CAMKK2: variants seen among roughly 807,000 people sequenced by gnomAD.
The protein encoded by CAMKK2 is calcium/calmodulin dependent protein kinase kinase 2.
A neutral mutation model predicts 67.2 loss-of-function variants in CAMKK2; 30 were observed. The observed-to-expected ratio is 0.45, with a 90% CI of 0.33 to 0.61. CAMKK2 has a LOEUF of 0.61. Ranked by LOEUF, CAMKK2 falls within the 20% of genes least tolerant of loss-of-function variation. The pLI, the probability that CAMKK2 is intolerant of heterozygous loss-of-function variation, is 0.02. For synonymous variants in CAMKK2, 322 were observed against 326.2 expected (o/e 0.99, Z 0.14); for missense variants, 643 against 802.0 (o/e 0.80, Z 2.39).
Position 121,249,788 on chromosome 12 carries a change from T to C in CAMKK2, c.1322A>G (p.Lys441Arg), listed in dbSNP as rs929612914. 3.7e-6 allele frequency: 6 copies of C among 1,613,840 alleles called. No individual in the cohort carries two copies. The Admixed American group carries it at 6.7e-5, about 18-fold the overall frequency. Residue 441 changes from lysine (K) to arginine (R), a missense_variant and splice_region_variant, in exon 13 of 17, where the codon AAG (lysine) becomes AGG (arginine). Physicochemically the swap from Lys to Arg is conservative, Grantham distance 26. Coordinates refer to ENST00000404169, the MANE Select transcript of CAMKK2 (RefSeq NM_001270485.2). ...PESRIVVPEI[K>R]LHPWVTRHGA... ...GGGCACAGGCTGAGCCAAGGGTACC[T>C]TGATTTCCGGCACCACGATCCTCGA...
intron 1 of CAMKK2, among the ~76,000 whole-genome samples, chr12:121,289,705 C>T (rs560687191): frequency 6.6e-6 from 1 of 152,014 alleles, no homozygotes; most frequent in Non-Finnish European, 1.5e-5. Context: ...CCAGCCTGGC[C>T]TACATGGTGA....
chr12:121,240,524 C>CTT lies in CAMKK2; in HGVS notation c.*173_*174dup, dbSNP rs63023660. On this transcript the variant is annotated 3_prime_UTR_variant, in exon 17 of 17. Transcript: ENST00000404169. This position sits in a 1 kb window ranked among gnomAD's most constrained non-coding sequence, Gnocchi z 4.4. ...ACGGTCGACGTCATGGAGTCAAGTCCTTTTTTTTTTTTTGTCCCCTTTAAA... is the reference window on the plus strand; with the variant it reads ...ACGGTCGACGTCATGGAGTCAAGTCCTTTTTTTTTTTTTTTGTCCCCTTTAAA... The CTT allele has an allele frequency of 0.026, 36,631 of 1,416,592 alleles. 62 individuals are homozygous for CTT. Among genetic ancestry groups the CTT allele is most frequent in the East Asian group, 0.046 (1,738 of 37,818 alleles). 87.8% of individuals were successfully genotyped at this position (1,416,592 alleles called of 1,614,324 possible).
intron 7 of CAMKK2, among the ~76,000 whole-genome samples, chr12:121,257,389 G>C: frequency 6.6e-6 from 1 of 152,034 alleles, no homozygotes; most frequent in Non-Finnish European, 1.5e-5. Context: ...TGGGACTACA[G>C]GCACCTGCCA....
intron 16 of CAMKK2, 86 bp downstream of exon 16, chr12:121,244,487 G>T: frequency 1.6e-6 from 2 of 1,282,676 alleles, no homozygotes; most frequent in South Asian, 1.3e-5. Flanking sequence ...CATCTGCCCG[G>T]GTGGGGATGC....
chr12:121,247,640 G>A (rs778490310), intron 14 of CAMKK2, among the ~76,000 whole-genome samples: 5 of 152,206 alleles, frequency 3.3e-5, no homozygotes, highest in Non-Finnish European at 7.3e-5. Flanking sequence ...CCCCAGGTGG[G>A]GAAAGAGTGG....
chr12:121,287,638 G>C (rs1327762765), intron 1 of CAMKK2, among the ~76,000 whole-genome samples: 1 of 152,202 alleles, frequency 6.6e-6, no homozygotes, highest in African/African-American at 2.4e-5. Context: ...AAATATCACT[G>C]AAAGAATGGC....
At chr12:121,286,447 T>C (rs1240137923) in intron 1 of CAMKK2, among the ~76,000 whole-genome samples, 1 of 152,260 alleles carries the variant, frequency 6.6e-6, no homozygotes, top group Admixed American at 6.5e-5. Flanking sequence ...TGGTTAGCCT[T>C]CTTGAGTGCT....
rs111580860 is a variant in CAMKK2, at chr12:121,283,814, CTAAATAAA to C, written c.-59-9237_-59-9230del. On this transcript the variant is annotated intron_variant, in intron 1 of 16. Transcript: ENST00000404169. ...TGGGTGGCAGAATGAGATCCTTTCG[CTAAATAAA>C]TAAATAAATAAATAAATAACCATTT... Among the ~76,000 whole-genome samples, 351 of 151,590 alleles carry C rather than the reference CTAAATAAA, an allele frequency of 2.3e-3. 4 individuals are homozygous for C. Among genetic ancestry groups the C allele is most frequent in the South Asian group, 5.6e-3 (27 of 4,786 alleles).
intron 1 of CAMKK2, among the ~76,000 whole-genome samples, chr12:121,279,759 C>T (rs960543906): frequency 6.6e-6 from 1 of 152,256 alleles, no homozygotes; most frequent in African/African-American, 2.4e-5. Flanking sequence ...TGTTCCCTCT[C>T]ACAGGGCAGC....
chr12:121,250,007 A>C lies in CAMKK2; in HGVS notation c.1189T>G (p.Cys397Gly). 1.2e-6 allele frequency: 2 copies of C among 1,613,952 alleles called. No homozygotes were observed. Among genetic ancestry groups the C allele is most frequent in the Non-Finnish European group, 1.7e-6 (2 of 1,179,918 alleles). ...QCPFMDERIM[C>G]LHSKIKSQAL... ...TGACTCTTGATCTTACTGTGTAAAC[A>C]CATGATCCGCTCGTCCATGAATGGG... The change falls in exon 12 of 17, where the codon TGT becomes GGT. Residue 397 changes from cysteine to glycine, a missense_variant. By Grantham distance (159) the Cys-to-Gly change is radical. Transcript: ENST00000404169.
Position 121,239,862 on chromosome 12 carries a change from G to A in CAMKK2, c.*837C>T, listed in dbSNP as rs182176926. 2 of 153,470 alleles carry A rather than the reference G, an allele frequency of 1.3e-5. No individual in the cohort carries two copies. Among genetic ancestry groups the A allele is most frequent in the Admixed American group, 1.3e-4 (2 of 15,502 alleles). 9.5% of individuals were successfully genotyped at this position (153,470 alleles called of 1,614,324 possible). A position where few individuals can be genotyped will look rare whatever the true frequency, so the allele number is the denominator to read the frequency against. ...GAAAAATGTTTTTGTTTAATCTTAA[G>A]CCATGTAATGTACATGGAAGCATAG... is the stretch of plus-strand genomic sequence containing the variant. On this transcript the variant is annotated 3_prime_UTR_variant, in exon 17 of 17. Coordinates refer to ENST00000404169, the MANE Select transcript of CAMKK2 (RefSeq NM_001270485.2).
At chr12:121,249,684 C>A in intron 13 of CAMKK2, 103 bp downstream of exon 13, 1 of 954,738 alleles carries the variant, frequency 1.0e-6, no homozygotes, top group Non-Finnish European at 1.7e-6. Flanking sequence ...AACAGCGGTG[C>A]CAAGGAGGGT....
At chr12:121,258,008 G>A (rs1251054601) in intron 7 of CAMKK2, among the ~76,000 whole-genome samples, 3 of 148,208 alleles carry the variant, frequency 2.0e-5, no homozygotes, top group Non-Finnish European at 1.5e-5. Flanking sequence ...TAGAAATAGA[G>A]ATCGAGTTTT....
At chr12:121,248,027 G>A (rs978089568) in intron 14 of CAMKK2, among the ~76,000 whole-genome samples, 2 of 152,138 alleles carry the variant, frequency 1.3e-5, no homozygotes, top group African/African-American at 2.4e-5. Context: ...GGTCAGTGGC[G>A]ATTCCCAGAG....
intron 11 of CAMKK2, among the ~76,000 whole-genome samples, chr12:121,252,290 C>CA (rs1301827390): frequency 6.6e-6 from 1 of 152,058 alleles, no homozygotes; most frequent in African/African-American, 2.4e-5. Flanking sequence ...TTTTTTGAGA[C>CA]GGAGTCTCGC....
chr12:121,293,528 T>C (rs1900527970), intron 1 of CAMKK2, among the ~76,000 whole-genome samples: 1 of 152,054 alleles, frequency 6.6e-6, no homozygotes, highest in South Asian at 2.1e-4. Flanking sequence ...GGTGATTCTG[T>C]GGCCCATGTT....
chr12:121,260,169 G>A, intron 7 of CAMKK2, 150 bp downstream of exon 7: 1 of 635,690 alleles, frequency 1.6e-6, no homozygotes, highest in Non-Finnish European at 2.8e-6. Flanking sequence ...CCCAACCAGG[G>A]GTGTGGCCTC....
chr12:121,271,005 C>CA, intron 2 of CAMKK2, 60 bp from the exon 3 acceptor site: 1 of 1,361,130 alleles, frequency 7.3e-7, no homozygotes, highest in South Asian at 1.2e-5. Flanking sequence ...AGAGGCCAGG[C>CA]ACGGTGGCTC....
At position 121,285,464 on chromosome 12, in the gene CAMKK2, C is replaced by A. The variant is rs1371775225; in HGVS notation, c.-59-10879G>T. ...GTTGCAGTGAGCCAAGATTGCACCA[C>A]TGCACTCCAGCCTGGGCAACAGAGC... On this transcript the variant is annotated intron_variant, in intron 1 of 16. Transcript: ENST00000404169. This position sits in a 1 kb window ranked among gnomAD's most constrained non-coding sequence, Gnocchi z 4.1. Among the ~76,000 whole-genome samples, 4 of 152,090 alleles carry A rather than the reference C, an allele frequency of 2.6e-5. No homozygotes were observed. The East Asian group carries it at 7.7e-4, about 29-fold the overall frequency.
Sources: gnomAD v4.1 joint callset for allele counts (sites outside exome capture counted in the v4.1 genomes callset) on GRCh38, gnomAD v4.1.1 for gene constraint, Gnocchi (gnomAD v3.1) non-coding constraint, MANE v1.5 for transcripts, NCBI Gene and HGNC (gene_info 2026-07-23, HGNC 2026-07-21) for gene names.